ETV6: variants seen among roughly 807,000 people sequenced by gnomAD.
ETV6 encodes ETS variant transcription factor 6.
In ETV6, 16 loss-of-function variants were observed where a neutral mutation model predicts 51.1. The ratio of observed to expected loss-of-function variants is 0.31; its 90% CI spans 0.21 to 0.48. The LOEUF is 0.48. Ranked by LOEUF, ETV6 falls within the 20% of genes least tolerant of loss-of-function variation. The pLI is 0.99. For missense variants in ETV6, 458 were observed against 594.8 expected (o/e 0.77, Z 2.39); for synonymous variants, 240 against 224.1 (o/e 1.07, Z -0.64).
chr12:11,698,477 G>A (rs1325281327), intron 1 of ETV6, among the ~76,000 whole-genome samples: 1 of 152,172 alleles, frequency 6.6e-6, no homozygotes, highest in African/African-American at 2.4e-5. Flanking sequence ...GCAGAATTTA[G>A]TACCTTGTGG....
chr12:11,788,953 T>C (rs1410210671), intron 2 of ETV6, among the ~76,000 whole-genome samples: 1 of 152,160 alleles, frequency 6.6e-6, no homozygotes, highest in Admixed American at 6.5e-5. Flanking sequence ...CCTACTCTTT[T>C]ATGGTTCTTC....
intron 2 of ETV6, among the ~76,000 whole-genome samples, chr12:11,789,140 G>T (rs866434604): frequency 6.6e-6 from 1 of 151,978 alleles, no homozygotes; most frequent in Non-Finnish European, 1.5e-5. Context: ...TCAAGCGATT[G>T]TCCTGCCTCA....
At chr12:11,653,124 T>A (rs1415729048) in intron 1 of ETV6, among the ~76,000 whole-genome samples, 2 of 152,078 alleles carry the variant, frequency 1.3e-5, no homozygotes, top group Non-Finnish European at 2.9e-5. Flanking sequence ...TCCTGACCAT[T>A]TGGGGTCGTT....
Position 11,732,841 on chromosome 12 carries a change from A to G in ETV6, c.34-19609A>G, listed in dbSNP as rs532076570. Among the ~76,000 whole-genome samples, 3 of 152,346 alleles carry G rather than the reference A, an allele frequency of 2.0e-5. No homozygotes were observed. In the East Asian group the frequency reaches 5.8e-4, roughly 29 times the overall value. On this transcript the variant is annotated intron_variant, in intron 1 of 7. Coordinates refer to ENST00000396373, the MANE Select transcript of ETV6 (RefSeq NM_001987.5). Reference sequence around the variant, plus strand: ...CTCTGTAATCATTATGTTAAATGATACAAGTTTCAAAAAATATATATTTCT... The same window carrying G: ...CTCTGTAATCATTATGTTAAATGATGCAAGTTTCAAAAAATATATATTTCT...
chr12:11,759,354 C>T (rs1945049340), intron 2 of ETV6, among the ~76,000 whole-genome samples: 2 of 152,050 alleles, frequency 1.3e-5, no homozygotes. Flanking sequence ...ATTAGTGTCA[C>T]GGGCTCTCCC....
At chr12:11,784,934 C>T (rs1305324133) in intron 2 of ETV6, among the ~76,000 whole-genome samples, 1 of 148,656 alleles carries the variant, frequency 6.7e-6, no homozygotes, top group Non-Finnish European at 1.5e-5. Flanking sequence ...CTCAAACTCC[C>T]AGCCTCAAGC....
At chr12:11,683,931 G>A (rs1864580539) in intron 1 of ETV6, among the ~76,000 whole-genome samples, 1 of 151,274 alleles carries the variant, frequency 6.6e-6, no homozygotes, top group African/African-American at 2.4e-5. Flanking sequence ...ATTTCTTTAA[G>A]TACACTATGG....
chr12:11,787,571 T>TTG (rs1384064607), intron 2 of ETV6, among the ~76,000 whole-genome samples: 1 of 152,180 alleles, frequency 6.6e-6, no homozygotes, highest in African/African-American at 2.4e-5. Context: ...GTAAGAGATT[T>TTG]CTGGGTGTGA....
At chr12:11,744,971 T>C (rs1378114471) in intron 1 of ETV6, among the ~76,000 whole-genome samples, 3 of 152,180 alleles carry the variant, frequency 2.0e-5, no homozygotes, top group Admixed American at 2.0e-4. Context: ...AATTAAAATG[T>C]TTTAAAATGG....
intron 2 of ETV6, among the ~76,000 whole-genome samples, chr12:11,791,923 A>G (rs1386345072): frequency 6.6e-6 from 1 of 152,208 alleles, no homozygotes; most frequent in African/African-American, 2.4e-5. Context: ...GTGCAGTAGC[A>G]AAACAGAGCT....
In ETV6 at chr12:11,870,309, CA is replaced by C. The variant is rs148201687; in HGVS notation, c.1009+341del. On this transcript the variant is annotated intron_variant, in intron 5 of 7. Transcript: ENST00000396373. ...AATGGCCCTGTCCTGAAGTTTCCAGCAGCTAATTAATGACCAGACACAGCAT... is the reference window on the plus strand; with the variant it reads ...AATGGCCCTGTCCTGAAGTTTCCAGCGCTAATTAATGACCAGACACAGCAT... 4.4e-3 allele frequency among the ~76,000 whole-genome samples: 665 copies of C among 152,248 alleles called. 8 individuals are homozygous for C. Among genetic ancestry groups the C allele is most frequent in the African/African-American group, 0.015 (637 of 41,548 alleles).
intron 1 of ETV6, among the ~76,000 whole-genome samples, chr12:11,683,073 T>G (rs759102216): frequency 3.9e-5 from 6 of 152,274 alleles, no homozygotes; most frequent in Non-Finnish European, 8.8e-5. Flanking sequence ...TGTGACTTTT[T>G]GAGATGGAAT....
chr12:11,879,399 T>A (rs950883599), intron 5 of ETV6, among the ~76,000 whole-genome samples: 6 of 152,242 alleles, frequency 3.9e-5, no homozygotes, highest in Non-Finnish European at 7.3e-5. Flanking sequence ...TCTAGCGTGG[T>A]TTTTTTCTTT....
chr12:11,714,089 C>T (rs1302967300), intron 1 of ETV6, among the ~76,000 whole-genome samples: 4 of 152,126 alleles, frequency 2.6e-5, no homozygotes, highest in African/African-American at 4.8e-5. Context: ...AATGCAGGGG[C>T]GTCATTTTGC....
intron 5 of ETV6, among the ~76,000 whole-genome samples, chr12:11,877,498 G>A (rs1162522688): frequency 6.6e-6 from 1 of 152,100 alleles, no homozygotes; most frequent in South Asian, 2.1e-4. Flanking sequence ...ATAAATATCT[G>A]TGTTTGCAGG....
chr12:11,650,020 A>T lies in ETV6; in HGVS notation c.-108A>T. On this transcript the variant is annotated 5_prime_UTR_variant, in exon 1 of 8. Transcript: ENST00000396373. ...GCTGCCGGGAGAGATGCTGGAAGAAACTTCTTAAATGACCGCGTCTGGCTG... is the reference window on the plus strand; with the variant it reads ...GCTGCCGGGAGAGATGCTGGAAGAATCTTCTTAAATGACCGCGTCTGGCTG... The T allele has an allele frequency of 9.6e-7, 1 of 1,046,764 alleles. No individual in the cohort carries two copies. The allele number at this position is 1,046,764 out of a possible 1,614,324, so 64.8% of individuals were successfully genotyped here.
At chr12:11,657,624 T>C (rs956753) in intron 1 of ETV6, among the ~76,000 whole-genome samples, 6,567 of 152,256 alleles carry the variant, frequency 0.043, 310 homozygotes, top group East Asian at 0.21. Context: ...CATCTGCAAG[T>C]TCTTGAGGCC....
intron 1 of ETV6, among the ~76,000 whole-genome samples, chr12:11,719,464 G>T (rs764667935): frequency 2.0e-5 from 3 of 152,230 alleles, no homozygotes; most frequent in Non-Finnish European, 4.4e-5. Context: ...ACAAGCTCTT[G>T]TAGCATTTTC....
At chr12:11,776,960 C>A (rs901169181) in intron 2 of ETV6, among the ~76,000 whole-genome samples, 2 of 152,226 alleles carry the variant, frequency 1.3e-5, no homozygotes, top group East Asian at 3.9e-4. Context: ...TTTTTTAGGC[C>A]GGGCGCAGTG....
Sources: allele counts gnomAD v4.1 joint callset (sites outside exome capture counted in the v4.1 genomes callset), GRCh38; gene constraint gnomAD v4.1.1; transcripts MANE v1.5; gene names NCBI Gene and HGNC (gene_info 2026-07-23, HGNC 2026-07-21).